CAMK4: variants seen among roughly 807,000 people sequenced by gnomAD.
The protein encoded by CAMK4 is calcium/calmodulin dependent protein kinase IV, also known as calcium/calmodulin-dependent protein kinase type IV.
Under a neutral mutation model 44.9 loss-of-function variants are expected in CAMK4, and 22 were observed. The ratio of observed to expected loss-of-function variants is 0.49; its 90% CI spans 0.35 to 0.70. The LOEUF (loss-of-function observed/expected upper bound fraction) is 0.70. Among genes scored for constraint, CAMK4 ranks in the 30% least tolerant of loss-of-function variants. The probability of loss-of-function intolerance (pLI) is 0.01; values close to 1 mark genes in which losing one functional copy is unlikely to be tolerated. For synonymous variants in CAMK4, 218 were observed against 215.4 expected, an observed-to-expected ratio of 1.01 and a Z score of -0.11; for missense variants, 498 against 586.8, an observed-to-expected ratio of 0.85 and a Z score of 1.56.
chr5:111,249,152 T>C (rs1428246901), intron 1 of CAMK4, among the ~76,000 whole-genome samples: 1 of 152,166 alleles, frequency 6.6e-6, no homozygotes, highest in Non-Finnish European at 1.5e-5. Context: ...TGTGCAAGCA[T>C]GAAAAAGTGG....
intron 2 of CAMK4, among the ~76,000 whole-genome samples, chr5:111,365,621 A>G (rs1188572318): frequency 2.6e-5 from 4 of 152,036 alleles, no homozygotes; most frequent in Admixed American, 6.6e-5. Flanking sequence ...TTTTGGAGGA[A>G]GAAGGGAGGA....
chr5:111,284,370 G>A (rs535845118), intron 1 of CAMK4, among the ~76,000 whole-genome samples: 10 of 152,228 alleles, frequency 6.6e-5, no homozygotes, highest in African/African-American at 2.2e-4. Flanking sequence ...GAAACATAAA[G>A]ATGAACTAAC....
chr5:111,291,528 A>G (rs1187484524), intron 1 of CAMK4, among the ~76,000 whole-genome samples: 2 of 152,030 alleles, frequency 1.3e-5, no homozygotes, highest in East Asian at 3.9e-4. Context: ...TTTATTTTTG[A>G]TATTTGTAGA....
chr5:111,388,167 T>C (rs1751671422), intron 4 of CAMK4, among the ~76,000 whole-genome samples: 1 of 152,302 alleles, frequency 6.6e-6, no homozygotes, highest in Admixed American at 6.5e-5. Flanking sequence ...CAAGATGCAG[T>C]GTGCGGAGTT....
intron 1 of CAMK4, among the ~76,000 whole-genome samples, chr5:111,338,849 G>A (rs1051040367): frequency 6.6e-6 from 1 of 151,144 alleles, no homozygotes; most frequent in Non-Finnish European, 1.5e-5. Flanking sequence ...GTACTATGCT[G>A]TTTTGGTTAC....
intron 5 of CAMK4, among the ~76,000 whole-genome samples, chr5:111,419,116 A>C (rs375327231): frequency 0.05 from 7,584 of 152,004 alleles, 217 homozygotes; most frequent in African/African-American, 0.074. Context: ...TGTTTCCTGA[A>C]TTTTTAATGA....
chr5:111,401,024 C>T (rs962987306), intron 5 of CAMK4, among the ~76,000 whole-genome samples: 1 of 152,208 alleles, frequency 6.6e-6, no homozygotes, highest in Non-Finnish European at 1.5e-5. Context: ...TACAGCCTTT[C>T]TTCCCTTTTT....
In CAMK4 at chr5:111,385,998, C is replaced by T. The variant is rs114949134; in HGVS notation, c.387-8712C>T. Among the ~76,000 whole-genome samples the T allele has an allele frequency of 3.4e-3, 518 of 152,248 alleles. 2 individuals carry two copies. The highest frequency in any genetic ancestry group is 0.011 in the African/African-American group (472 of 41,542). On this transcript the variant is annotated intron_variant, in intron 4 of 10. Transcript: ENST00000282356. ...GACCTCCTCTTTCTCTTGTCAGCTC[C>T]CTGGCCAGCACCCACATTGATCCAC...
rs796512436 is a variant in CAMK4 at position 111,484,430 on chromosome 5, A to C, written c.1386A>C (p.Glu462Asp). 1 of 1,532,588 alleles carries C rather than the reference A, an allele frequency of 6.5e-7. No individual in the cohort carries two copies. The allele number at this position is 1,532,588 out of a possible 1,614,324, so 94.9% of individuals were successfully genotyped here. A position where few individuals can be genotyped will look rare whatever the true frequency, so the allele number is the denominator to read the frequency against. The change falls in exon 11 of 11, where the codon GAA becomes GAC. Residue 462 changes from glutamate to aspartate, a missense_variant. Glu to Asp is a conservative substitution (Grantham distance 45). This residue lies in a region of CAMK4 where 143 missense variants were observed against 144.9 expected (regional missense o/e 0.99). Transcript: ENST00000282356. The surrounding 1 kb of genome is among the most constrained non-coding windows in gnomAD (Gnocchi z 5.3). The part of the protein sequence containing the change: ...EGQGSSAVGF[E>D]VPQQDVILPE... Reference sequence around the variant, plus strand: ...AAGGAAGCTCTGCTGTGGGTTTTGAAGTTCCACAGCAAGATGTGATCCTGC... The same window carrying C: ...AAGGAAGCTCTGCTGTGGGTTTTGACGTTCCACAGCAAGATGTGATCCTGC...
chr5:111,284,363 A>C (rs1332535435), intron 1 of CAMK4, among the ~76,000 whole-genome samples: 2 of 152,238 alleles, frequency 1.3e-5, no homozygotes, highest in Non-Finnish European at 2.9e-5. Flanking sequence ...AATATGAGAA[A>C]CATAAAGATG....
At chr5:111,228,248 ATTTTGGAACCTT>A (rs1748291677) in intron 1 of CAMK4, among the ~76,000 whole-genome samples, 2 of 152,196 alleles carry the variant, frequency 1.3e-5, no homozygotes, top group Non-Finnish European at 2.9e-5. Flanking sequence ...GTGTTAAACT[ATTTTGGAACCTT>A]TTTTTTCTTT....
chr5:111,471,629 T>C (rs1233196364), intron 7 of CAMK4, among the ~76,000 whole-genome samples: 2 of 152,234 alleles, frequency 1.3e-5, no homozygotes, highest in African/African-American at 4.8e-5. Context: ...TAGATCCTGT[T>C]TGGACATGTT....
At chr5:111,292,762 T>C (rs1747326496) in intron 1 of CAMK4, among the ~76,000 whole-genome samples, 1 of 151,680 alleles carries the variant, frequency 6.6e-6, no homozygotes, top group South Asian at 2.1e-4. Flanking sequence ...TCTGTAACAA[T>C]AATAACAAAA....
chr5:111,242,014 G>A (rs898491169), intron 1 of CAMK4, among the ~76,000 whole-genome samples: 2 of 152,122 alleles, frequency 1.3e-5, no homozygotes, highest in Admixed American at 1.3e-4. Context: ...ATGGACTGTT[G>A]GAACTTCCCA....
intron 5 of CAMK4, among the ~76,000 whole-genome samples, chr5:111,405,604 C>A (rs1324438023): frequency 6.6e-6 from 1 of 152,118 alleles, no homozygotes; most frequent in African/African-American, 2.4e-5. Flanking sequence ...AAACTCTGGT[C>A]TTTAGTTATT....
At chr5:111,242,286 C>G (rs892898759) in intron 1 of CAMK4, among the ~76,000 whole-genome samples, 1 of 152,070 alleles carries the variant, frequency 6.6e-6, no homozygotes, top group Non-Finnish European at 1.5e-5. Context: ...CTTTCTGAGT[C>G]TTTGAAGGGG....
intron 4 of CAMK4, among the ~76,000 whole-genome samples, chr5:111,388,917 A>G (rs943810937): frequency 3.3e-5 from 5 of 152,132 alleles, no homozygotes; most frequent in African/African-American, 1.2e-4. Flanking sequence ...TCTCCCTCCC[A>G]CATGAACACA....
intron 1 of CAMK4, among the ~76,000 whole-genome samples, chr5:111,340,425 G>T (rs116518373): frequency 0.031 from 4,741 of 151,406 alleles, 99 homozygotes; most frequent in Middle Eastern, 0.048. Context: ...TTTTTGTCAT[G>T]AATAGATGTT....
intron 5 of CAMK4, among the ~76,000 whole-genome samples, chr5:111,400,248 T>C (rs1752175163): frequency 1.3e-5 from 2 of 152,038 alleles, no homozygotes; most frequent in South Asian, 4.1e-4. Context: ...AAGGGTTAAC[T>C]TAAAGAAAAA....
Sources: gnomAD v4.1 joint callset for allele counts (sites outside exome capture counted in the v4.1 genomes callset) on GRCh38, gnomAD v4.1.1 for gene constraint, gnomAD v4.1.1 regional missense constraint, Gnocchi (gnomAD v3.1) non-coding constraint, MANE v1.5 for transcripts, NCBI Gene and HGNC (gene_info 2026-07-23, HGNC 2026-07-21) for gene names.